Variants in JAK1 observed in about 807,000 individuals in gnomAD.
The protein encoded by JAK1 is tyrosine-protein kinase JAK1.
In JAK1, 16 loss-of-function variants were observed where a neutral mutation model predicts 136.6. That is an observed-to-expected ratio of 0.12 (90% CI 0.08 to 0.18). The LOEUF is 0.18. Among genes scored for constraint, JAK1 ranks in the 10% least tolerant of loss-of-function variants. The probability of loss-of-function intolerance (pLI) is 1.00; values close to 1 mark genes in which losing one functional copy is unlikely to be tolerated. For missense variants in JAK1, 859 were observed against 1,450.1 expected, an observed-to-expected ratio of 0.59 and a Z score of 6.62; for synonymous variants, 492 against 519.5, an observed-to-expected ratio of 0.95 and a Z score of 0.72.
At chr1:64,850,187 G>A (rs1655500267) in intron 12 of JAK1, among the ~76,000 whole-genome samples, 1 of 152,156 alleles carries the variant, frequency 6.6e-6, no homozygotes, top group Non-Finnish European at 1.5e-5. Context: ...GGGAGCGGTG[G>A]CAGAACAGAA....
intron 1 of JAK1, among the ~76,000 whole-genome samples, chr1:64,955,468 A>G (rs1029299603): frequency 2.6e-5 from 4 of 152,232 alleles, no homozygotes; most frequent in Non-Finnish European, 4.4e-5. Context: ...AACACAGAAA[A>G]GCATGGGAAA....
At chr1:64,940,854 T>C (rs1386767125) in intron 1 of JAK1, among the ~76,000 whole-genome samples, 35 of 152,182 alleles carry the variant, frequency 2.3e-4, no homozygotes. Flanking sequence ...TTTTCGGATT[T>C]TTTCATTAAA....
intron 22 of JAK1, 65 bp from the exon 23 acceptor site, chr1:64,836,280 A>G: frequency 2.2e-6 from 2 of 901,916 alleles, no homozygotes; most frequent in Non-Finnish European, 3.7e-6. Flanking sequence ...ACATTACAGG[A>G]TAACTGAAAA....
At chr1:64,937,224 A>G (rs1408008665) in intron 1 of JAK1, among the ~76,000 whole-genome samples, 1 of 152,144 alleles carries the variant, frequency 6.6e-6, no homozygotes, top group Non-Finnish European at 1.5e-5. Context: ...GACCATTTGC[A>G]AAACTTACAC....
Position 64,835,294 on chromosome 1 carries a change from G to C in JAK1, c.3369+102C>G, listed in dbSNP as rs186598013. On this transcript the variant is annotated intron_variant, in intron 24 of 24. Coordinates refer to ENST00000342505, the MANE Select transcript of JAK1 (RefSeq NM_002227.4). ...AAAACTATTTTACAAGGACTTCACT[G>C]CATCATTTCCTCGCTCTCCCCTCTA... 2.9e-4 allele frequency: 178 copies of C among 611,096 alleles called. 1 individual carries two copies. Among genetic ancestry groups the C allele is most frequent in the African/African-American group, 2.9e-3 (151 of 52,144 alleles). 37.9% of individuals were successfully genotyped at this position (611,096 alleles called of 1,614,324 possible). A position where few individuals can be genotyped will look rare whatever the true frequency, so the allele number is the denominator to read the frequency against.
upstream of JAK1, among the ~76,000 whole-genome samples, chr1:64,970,913 T>A (rs1646446701): frequency 6.6e-6 from 1 of 152,216 alleles, no homozygotes; most frequent in Non-Finnish European, 1.5e-5. Flanking sequence ...AGAAGCCTCT[T>A]ATTAGAAAAT....
chr1:64,984,961 T>C lies in JAK1; in HGVS notation c.-78+59519A>G, dbSNP rs1646584157. On this transcript the variant is annotated intron_variant, in intron 2 of 25. Coordinates refer to the JAK1 transcript ENST00000671954. This position sits in a 1 kb window ranked among gnomAD's most constrained non-coding sequence, Gnocchi z 4.1. ...AACCAGGGAATGTGGTCTGGCCCAA[T>C]TTCAAAGAAGACCACAAAGACCAAG... 9.9e-7 allele frequency: 1 copy of C among 1,006,284 alleles called. No individual in the cohort carries two copies. The highest frequency in any genetic ancestry group is 1.6e-5 in the African/African-American group (1 of 63,268). 62.3% of individuals were successfully genotyped at this position (1,006,284 alleles called of 1,614,324 possible).
intron 2 of JAK1, chr1:64,990,514 G>A (rs1295280679): frequency 6.6e-6 from 1 of 151,726 alleles, no homozygotes; most frequent in Non-Finnish European, 1.5e-5. Context: ...AGAAGGAGAA[G>A]AATCTTATTT....
chr1:65,030,367 G>A (rs1647011793), intron 2 of JAK1, among the ~76,000 whole-genome samples: 5 of 152,172 alleles, frequency 3.3e-5, no homozygotes, highest in South Asian at 4.1e-4. Context: ...TCATAGACGT[G>A]TTGTATCAGA....
At chr1:64,985,974 T>C in intron 2 of JAK1, 4 of 1,209,372 alleles carry the variant, frequency 3.3e-6, no homozygotes, top group Non-Finnish European at 4.8e-6. Context: ...GTTGATAAAT[T>C]CCCTTATGAT....
intron 17 of JAK1, among the ~76,000 whole-genome samples, chr1:64,843,100 C>A (rs183706554): frequency 6.6e-6 from 1 of 152,210 alleles, no homozygotes; most frequent in Admixed American, 6.5e-5. Flanking sequence ...CCCATGCCAC[C>A]CCCAGTAAAA....
intron 1 of JAK1, among the ~76,000 whole-genome samples, chr1:64,932,979 A>C (rs1377495633): frequency 6.6e-6 from 1 of 152,244 alleles, no homozygotes; most frequent in Non-Finnish European, 1.5e-5. Flanking sequence ...CATGGAAAGA[A>C]TTATACTTTT....
At chr1:64,947,473 G>C (rs1646007689) in intron 1 of JAK1, among the ~76,000 whole-genome samples, 2 of 152,238 alleles carry the variant, frequency 1.3e-5, no homozygotes, top group South Asian at 4.1e-4. Flanking sequence ...AAATCATGTG[G>C]ATAAAACCTC....
At chr1:64,948,897 T>G (rs1165830138) in intron 1 of JAK1, among the ~76,000 whole-genome samples, 1 of 152,174 alleles carries the variant, frequency 6.6e-6, no homozygotes, top group South Asian at 2.1e-4. Flanking sequence ...TTAGAAATAC[T>G]GCTCAGAATT....
intron 15 of JAK1, among the ~76,000 whole-genome samples, 157 bp from the exon 16 acceptor site, chr1:64,845,046 A>G (rs1557626835): frequency 6.6e-6 from 1 of 152,192 alleles, no homozygotes; most frequent in African/African-American, 2.4e-5. Context: ...GGCACATCAC[A>G]GGTGCCCCTT....
chr1:64,897,338 G>T (rs987093491), intron 1 of JAK1, among the ~76,000 whole-genome samples: 1 of 151,166 alleles, frequency 6.6e-6, no homozygotes, highest in Non-Finnish European at 1.5e-5. Context: ...GCTGAGGCAG[G>T]AGAATCGCTT....
chr1:65,019,136 C>A (rs1180408270), intron 2 of JAK1, among the ~76,000 whole-genome samples: 1 of 152,144 alleles, frequency 6.6e-6, no homozygotes, highest in Non-Finnish European at 1.5e-5. Context: ...AGAAGCCTTT[C>A]ATATGACTTC....
chr1:65,063,704 C>A (rs990856846), intron 1 of JAK1, among the ~76,000 whole-genome samples: 5 of 149,752 alleles, frequency 3.3e-5, no homozygotes, highest in Non-Finnish European at 5.9e-5. Flanking sequence ...ACTCTGGAGG[C>A]TGAGACAAGA....
At chr1:64,847,494 GGA>G in intron 13 of JAK1, 36 bp downstream of exon 13, 1 of 1,612,112 alleles carries the variant, frequency 6.2e-7, no homozygotes, top group Non-Finnish European at 8.5e-7. Flanking sequence ...TCCAGAAACG[GGA>G]GAGGGGAGGG....
Sources: allele counts gnomAD v4.1 joint callset (sites outside exome capture counted in the v4.1 genomes callset), GRCh38; gene constraint gnomAD v4.1.1; non-coding constraint Gnocchi (gnomAD v3.1); transcripts MANE v1.5; gene names NCBI Gene and HGNC (gene_info 2026-07-23, HGNC 2026-07-21).